Variants in KIF15 observed in about 807,000 individuals in gnomAD.
KIF15 encodes kinesin family member 15.
Under a neutral mutation model 190.6 loss-of-function variants are expected in KIF15, and 140 were observed. The observed-to-expected ratio is 0.73, with a 90% CI of 0.64 to 0.84. The LOEUF is 0.84. KIF15 is among the 40% of genes least tolerant of loss of function. The pLI is 0.00. For synonymous variants in KIF15, 528 were observed against 551.3 expected (o/e 0.96, Z 0.59); for missense variants, 1,372 against 1,584.4 (o/e 0.87, Z 2.28).
At chr3:44,807,049 T>G (rs1660689785) in intron 16 of KIF15, among the ~76,000 whole-genome samples, 1 of 152,084 alleles carries the variant, frequency 6.6e-6, no homozygotes, top group Non-Finnish European at 1.5e-5. Flanking sequence ...GGCCTCAAGT[T>G]CTTTTCAATA....
chr3:44,830,581 C>G (rs1163124913), intron 25 of KIF15, among the ~76,000 whole-genome samples: 4 of 152,198 alleles, frequency 2.6e-5, no homozygotes, highest in Non-Finnish European at 5.9e-5. Flanking sequence ...TGATGCTTTT[C>G]TCCTCTGGGT....
intron 7 of KIF15, among the ~76,000 whole-genome samples, chr3:44,790,841 C>T (rs951045637): frequency 5.9e-5 from 9 of 151,796 alleles, no homozygotes; most frequent in African/African-American, 1.9e-4. Flanking sequence ...TACAGGCATG[C>T]GCCACCACGC....
At position 44,840,356 on chromosome 3, in the gene KIF15, T is replaced by C. The variant is rs1209994313; in HGVS notation, c.3320T>C (p.Leu1107Pro). 1 of 1,594,730 alleles carries C rather than the reference T, an allele frequency of 6.3e-7. No individual in the cohort carries two copies. Among genetic ancestry groups the C allele is most frequent in the Non-Finnish European group, 8.6e-7 (1 of 1,168,504 alleles). Residue 1107 changes from leucine to proline, a missense_variant and splice_region_variant, in exon 28 of 35, where the codon CTA (leucine) becomes CCA (proline). Physicochemically the swap from Leu to Pro is moderately conservative, Grantham distance 98. Transcript: ENST00000326047. ...CTTGTATCTGTTCAATTTTCCCAGC[T>C]AAACCAAAAGAAAGAGGAAGTAGAA... ...EALIQELQHK[L>P]NQKKEEVEQK...
chr3:44,784,823 G>GTT (rs56895721), intron 5 of KIF15, 22 bp from the exon 6 acceptor site: 27,104 of 1,047,118 alleles, frequency 0.026, no homozygotes, highest in East Asian at 0.062. Flanking sequence ...AAAATCCAGT[G>GTT]TTTTTTTTTT....
At chr3:44,828,734 A>G (rs1188916083) in intron 24 of KIF15, among the ~76,000 whole-genome samples, 1 of 152,226 alleles carries the variant, frequency 6.6e-6, no homozygotes, top group African/African-American at 2.4e-5. Flanking sequence ...AACCAAAACA[A>G]ATGATTAAAT....
At position 44,813,630 on chromosome 3, in the gene KIF15, G is replaced by GTT. The variant is rs561892613; in HGVS notation, c.2383+463_2383+464dup. 2.5e-3 allele frequency among the ~76,000 whole-genome samples: 306 copies of GTT among 123,004 alleles called. 1 individual carries two copies. Among genetic ancestry groups the GTT allele is most frequent in the Middle Eastern group, 8.9e-3 (2 of 224 alleles). 80.7% of individuals were successfully genotyped at this position (123,004 alleles called of 152,430 possible). ...ATTTTTTTTTTGTTTTGTTTGTTTT[G>GTT]TTTTTTTTTTTTTTGAGGTGGAGTC... On this transcript the variant is annotated intron_variant, in intron 19 of 34. Coordinates refer to ENST00000326047, the MANE Select transcript of KIF15 (RefSeq NM_020242.3).
intron 25 of KIF15, among the ~76,000 whole-genome samples, chr3:44,830,603 C>T (rs971136233): frequency 1.3e-5 from 2 of 152,174 alleles, no homozygotes; most frequent in African/African-American, 4.8e-5. Context: ...GAGGCGAAGG[C>T]TTTTGTCACT....
In KIF15 at chr3:44,805,939, C is replaced by T. The variant is rs767510437; in HGVS notation, c.1924C>T (p.Arg642Trp). 8.7e-6 allele frequency: 14 copies of T among 1,614,000 alleles called. No individual in the cohort carries two copies. In the African/African-American group the frequency reaches 9.3e-5, roughly 11 times the overall value. Residue 642 changes from arginine (R) to tryptophan (W), a missense_variant, in exon 16 of 35, where the codon CGG (arginine) becomes TGG (tryptophan). Coordinates refer to ENST00000326047, the MANE Select transcript of KIF15 (RefSeq NM_020242.3). ...NLLEATKACK[R>W]QEVSQLNKIH... Reference sequence around the variant, plus strand: ...TTTGGAAGCAACAAAAGCCTGCAAGCGGCAAGAAGTTTCTCAGCTGAATAA... The same window carrying T: ...TTTGGAAGCAACAAAAGCCTGCAAGTGGCAAGAAGTTTCTCAGCTGAATAA...
chr3:44,808,695 T>C (rs533354015), intron 16 of KIF15, among the ~76,000 whole-genome samples: 1 of 152,104 alleles, frequency 6.6e-6, no homozygotes, highest in African/African-American at 2.4e-5. Flanking sequence ...CCACATTAAC[T>C]GGTACCTAGA....
chr3:44,828,323 T>A, intron 24 of KIF15, 23 bp downstream of exon 24: 1 of 1,506,956 alleles, frequency 6.6e-7, no homozygotes, highest in South Asian at 1.1e-5. Flanking sequence ...TGAAGCTACA[T>A]CTCTCTGTGC....
chr3:44,830,745 A>T, intron 25 of KIF15, 151 bp from the exon 26 acceptor site: 1 of 745,488 alleles, frequency 1.3e-6, no homozygotes, highest in Non-Finnish European at 2.1e-6. Context: ...CCATTCATGC[A>T]CTTATTCTTC....
chr3:44,861,536 C>T (rs1451646534), intron 6 of KIF15, among the ~76,000 whole-genome samples: 2 of 152,158 alleles, frequency 1.3e-5, no homozygotes, highest in East Asian at 1.9e-4. Context: ...GAAGCCTGGT[C>T]GACGTGGATG....
At chr3:44,785,463 C>A (rs553733790) in intron 6 of KIF15, among the ~76,000 whole-genome samples, 414 of 152,314 alleles carry the variant, frequency 2.7e-3, no homozygotes, top group Non-Finnish European at 4.8e-3. Flanking sequence ...GGGATATGGT[C>A]TTTCCTCTTG....
Position 44,805,247 on chromosome 3 carries a change from A to G in KIF15, c.1829+79A>G, listed in dbSNP as rs948242903. On this transcript the variant is annotated intron_variant, in intron 15 of 34. Coordinates refer to ENST00000326047, the MANE Select transcript of KIF15 (RefSeq NM_020242.3). ...CTGTAGTGTTAATATCGATAATTCA[A>G]TTGGGCATTTTACTTTAAATATTAA... 2.9e-6 allele frequency: 4 copies of G among 1,361,102 alleles called. No individual in the cohort carries two copies. In the Admixed American group the frequency reaches 6.6e-5, roughly 22 times the overall value. 84.3% of individuals were successfully genotyped at this position (1,361,102 alleles called of 1,614,324 possible).
At chr3:44,822,606 C>G (rs1157296846) in intron 20 of KIF15, among the ~76,000 whole-genome samples, 2 of 152,216 alleles carry the variant, frequency 1.3e-5, no homozygotes, top group Non-Finnish European at 2.9e-5. Flanking sequence ...TGTTTTCCAA[C>G]TTGGTTCCAT....
intron 22 of KIF15, 124 bp downstream of exon 22, chr3:44,826,584 C>A: frequency 3.1e-6 from 2 of 639,534 alleles, no homozygotes; most frequent in Non-Finnish European, 5.2e-6. Flanking sequence ...ATTCCAAAAG[C>A]AACAGCAGGT....
chr3:44,807,036 G>T (rs907137624), intron 16 of KIF15, among the ~76,000 whole-genome samples: 1 of 152,052 alleles, frequency 6.6e-6, no homozygotes, highest in Non-Finnish European at 1.5e-5. Context: ...GAGCCACTGC[G>T]CTGGCCTCAA....
In KIF15 at chr3:44,826,420, T is replaced by G. The variant is rs1207479933; in HGVS notation, c.2746T>G (p.Leu916Val). The change falls in exon 22 of 35, where the codon TTA becomes GTA. Residue 916 changes from leucine (L) to valine (V), a missense_variant. Leu to Val is a conservative substitution (Grantham distance 32, BLOSUM62 1). Coordinates refer to ENST00000326047, the MANE Select transcript of KIF15 (RefSeq NM_020242.3). The stretch of plus-strand genomic sequence containing the variant: ...GGCAGAAAAAGAACGCAATAACAAA[T>G]TATCATTACAGTTTGAAGAAGATAA... Reference protein sequence around the residue: ...LEAEKERNNKLSLQFEEDKEN... With the variant: ...LEAEKERNNKVSLQFEEDKEN... 1.9e-6 allele frequency: 3 copies of G among 1,613,090 alleles called. No homozygotes were observed. Among genetic ancestry groups the G allele is most frequent in the Non-Finnish European group, 2.5e-6 (3 of 1,179,538 alleles).
chr3:44,841,226 C>G lies in KIF15; in HGVS notation c.3573C>G (p.Ile1191Met). 1 of 1,601,110 alleles carries G rather than the reference C, an allele frequency of 6.2e-7. No homozygotes were observed. Among genetic ancestry groups the G allele is most frequent in the Non-Finnish European group, 8.5e-7 (1 of 1,176,766 alleles). Residue 1191 changes from isoleucine to methionine, a missense_variant, in exon 29 of 35, where the codon ATC becomes ATG. By Grantham distance (10) the Ile-to-Met change is conservative. Transcript: ENST00000326047. ...ACAGAGAAGTCAAAAATGCTGAAAT[C>G]CTCAGAATGAAGGTAATTGGATTTT... is the stretch of plus-strand genomic sequence containing the variant. ...NEDREVKNAE[I>M]LRMKEQLREM... is the part of the protein sequence containing the mutation.
Sources: gnomAD v4.1 joint callset for allele counts (sites outside exome capture counted in the v4.1 genomes callset) on GRCh38, gnomAD v4.1.1 for gene constraint, MANE v1.5 for transcripts, NCBI Gene and HGNC (gene_info 2026-07-23, HGNC 2026-07-21) for gene names.